The following ZNF664 variants were observed in gnomAD, a reference collection of about 807,000 sequenced individuals.
ZNF664 encodes the protein zinc finger Organ of Corti 1.
Under a neutral mutation model 18.2 loss-of-function variants are expected in ZNF664, and 10 were observed. The observed-to-expected ratio is 0.55, with a 90% CI of 0.34 to 0.93. The LOEUF (loss-of-function observed/expected upper bound fraction) is 0.93. ZNF664 is among the 40% of genes least tolerant of loss of function. The pLI, the probability that ZNF664 is intolerant of heterozygous loss-of-function variation, is 0.02. For missense variants in ZNF664, 193 were observed against 319.0 expected (o/e 0.61, Z 3.01); for synonymous variants, 119 against 104.2 (o/e 1.14, Z -0.86).
chr12:123,973,756 C>T (rs1337831884), intron 1 of ZNF664, 130 bp from the exon 2 acceptor site: 3 of 1,223,650 alleles, frequency 2.5e-6, no homozygotes, highest in Non-Finnish European at 2.0e-6. Context: ...CCGCCCTCGT[C>T]GCCCGTGGAG....
chr12:123,987,017 C>T (rs1284144820), intron 2 of ZNF664, among the ~76,000 whole-genome samples: 1 of 152,176 alleles, frequency 6.6e-6, no homozygotes, highest in Non-Finnish European at 1.5e-5. Flanking sequence ...TCTGACAGTG[C>T]AGGGCCACTC....
At chr12:123,990,828 G>A (rs949420217) in intron 3 of ZNF664, among the ~76,000 whole-genome samples, 3 of 152,190 alleles carry the variant, frequency 2.0e-5, no homozygotes, top group Non-Finnish European at 2.9e-5. Context: ...CTTATGTTCT[G>A]TTGTTCTTTC....
chr12:124,012,989 C>G lies in ZNF664; in HGVS notation c.*59C>G. 1.3e-6 allele frequency: 2 copies of G among 1,549,800 alleles called. No homozygotes were observed. Among genetic ancestry groups the G allele is most frequent in the Non-Finnish European group, 8.7e-7 (1 of 1,149,130 alleles). ...CATAAGTGCCACTAGGAAGGAAACC[C>G]TGTATATACCTACATTGACCCAAGA... is the stretch of plus-strand genomic sequence containing the variant. On this transcript the variant is annotated 3_prime_UTR_variant, in exon 5 of 5. Coordinates refer to ENST00000337815, the MANE Select transcript of ZNF664 (RefSeq NM_152437.3).
At chr12:124,009,307 T>C (rs565207716) in intron 3 of ZNF664, among the ~76,000 whole-genome samples, 11 of 152,330 alleles carry the variant, frequency 7.2e-5, no homozygotes, top group African/African-American at 2.4e-4. Flanking sequence ...GTCACCAATA[T>C]GATAGGTTTA....
intron 2 of ZNF664, among the ~76,000 whole-genome samples, chr12:123,981,276 G>A (rs1956762271): frequency 6.6e-6 from 1 of 152,108 alleles, no homozygotes; most frequent in African/African-American, 2.4e-5. Context: ...TTGGGAATTG[G>A]CTATGGTTTG....
At chr12:124,005,020 T>C (rs1594571089) in intron 3 of ZNF664, 1 of 153,288 alleles carries the variant, frequency 6.5e-6, no homozygotes, top group East Asian at 1.9e-4. Context: ...TGCACTTGAA[T>C]CATCCCAAAA....
At chr12:124,009,996 C>T (rs1412534862) in intron 3 of ZNF664, among the ~76,000 whole-genome samples, 1 of 151,616 alleles carries the variant, frequency 6.6e-6, no homozygotes, top group Non-Finnish European at 1.5e-5. Context: ...CTCGACTCGG[C>T]TAGTTCCCTA....
At chr12:123,994,168 C>A (rs879455088) in intron 3 of ZNF664, among the ~76,000 whole-genome samples, 4,135 of 152,158 alleles carry the variant, frequency 0.027, 176 homozygotes, top group African/African-American at 0.093. Context: ...TTACTCACTA[C>A]ACATAAGTGG....
At chr12:124,011,266 T>C (rs1210898338) in intron 3 of ZNF664, 115 bp from the exon 4 acceptor site, 1 of 981,868 alleles carries the variant, frequency 1.0e-6, no homozygotes, top group Non-Finnish European at 1.2e-6. Flanking sequence ...ATTTCTTTTC[T>C]CTTTCAATAA....
chr12:123,977,146 T>A (rs950082487), intron 2 of ZNF664, among the ~76,000 whole-genome samples: 15 of 151,956 alleles, frequency 9.9e-5, no homozygotes, highest in Non-Finnish European at 2.1e-4. Context: ...ATAAAAGCAA[T>A]AAAAAGGTAC....
Position 123,988,127 on chromosome 12 carries a change from C to T in ZNF664, c.-672C>T. The T allele has an allele frequency of 8.1e-7, 1 of 1,231,536 alleles. No homozygotes were observed. Among genetic ancestry groups the T allele is most frequent in the Non-Finnish European group, 1.0e-6 (1 of 987,852 alleles). The allele number at this position is 1,231,536 out of a possible 1,614,324, so 76.3% of individuals were successfully genotyped here. On this transcript the variant is annotated 5_prime_UTR_variant, in exon 3 of 5. Coordinates refer to ENST00000337815, the MANE Select transcript of ZNF664 (RefSeq NM_152437.3). ...TCTGGAATGTCTTGGGGGTTTTGAT[C>T]CTGTCACTGTGGTAAGTTTTCCCCT... is the stretch of plus-strand genomic sequence containing the variant.
intron 2 of ZNF664, among the ~76,000 whole-genome samples, chr12:123,981,922 T>C (rs1275283422): frequency 3.3e-5 from 5 of 152,234 alleles, no homozygotes; most frequent in Non-Finnish European, 4.4e-5. Flanking sequence ...GACTGGACCA[T>C]TGATATTTTT....
chr12:123,976,529 T>A (rs1956693754), intron 2 of ZNF664, among the ~76,000 whole-genome samples: 1 of 152,172 alleles, frequency 6.6e-6, no homozygotes, highest in Non-Finnish European at 1.5e-5. Context: ...AGTGGTTGTA[T>A]TTTATCCCGA....
intron 3 of ZNF664, among the ~76,000 whole-genome samples, chr12:124,008,944 A>G (rs1264701519): frequency 1.3e-5 from 2 of 151,964 alleles, no homozygotes; most frequent in Non-Finnish European, 2.9e-5. Context: ...ATTTAAGGGA[A>G]GGGGCTGTAG....
At chr12:123,995,654 A>G (rs1956940078) in intron 3 of ZNF664, among the ~76,000 whole-genome samples, 1 of 152,212 alleles carries the variant, frequency 6.6e-6, no homozygotes, top group Non-Finnish European at 1.5e-5. Flanking sequence ...ACTCTAGCTA[A>G]TTTAAGGTAA....
intron 2 of ZNF664, among the ~76,000 whole-genome samples, chr12:123,981,622 A>G (rs1470320530): frequency 1.3e-5 from 2 of 152,188 alleles, no homozygotes; most frequent in Non-Finnish European, 2.9e-5. Context: ...ATCCAGTTTC[A>G]GGTATTCTCT....
chr12:124,009,448 T>A (rs1957109904), intron 3 of ZNF664, among the ~76,000 whole-genome samples: 1 of 152,106 alleles, frequency 6.6e-6, no homozygotes, highest in Admixed American at 6.5e-5. Flanking sequence ...ATCATTAAAT[T>A]AAATTCTGGA....
At chr12:124,011,246 C>T in intron 3 of ZNF664, 135 bp from the exon 4 acceptor site, 1 of 974,650 alleles carries the variant, frequency 1.0e-6, no homozygotes, top group African/African-American at 1.8e-5. Flanking sequence ...ACATGTAGGT[C>T]TTTTTGAGGA....
At chr12:123,990,307 T>C (rs1956874523) in intron 3 of ZNF664, among the ~76,000 whole-genome samples, 1 of 152,210 alleles carries the variant, frequency 6.6e-6, no homozygotes, top group South Asian at 2.1e-4. Context: ...TTTTTAAAAA[T>C]GCATACAAAT....
Sources: allele counts gnomAD v4.1 joint callset (sites outside exome capture counted in the v4.1 genomes callset), GRCh38; gene constraint gnomAD v4.1.1; transcripts MANE v1.5; gene names NCBI Gene and HGNC (gene_info 2026-07-23, HGNC 2026-07-21).